ADORA2B: variants seen among roughly 807,000 people sequenced by gnomAD.
ADORA2B encodes adenosine receptor A2b.
In ADORA2B, 18 loss-of-function variants were observed where a neutral mutation model predicts 20.8. That is an observed-to-expected ratio of 0.87 (90% CI 0.60 to 1.29). The LOEUF (loss-of-function observed/expected upper bound fraction) is 1.29, where lower values mean the gene tolerates loss of function less well. ADORA2B is among the 50% of genes most tolerant of loss of function. ADORA2B has a pLI of 0.00. For missense variants in ADORA2B, 441 were observed against 422.7 expected (o/e 1.04, Z -0.38); for synonymous variants, 179 against 178.3 (o/e 1.00, Z -0.03).
the ADORA2B span, among the ~76,000 whole-genome samples, chr17:15,921,896 T>C: frequency 6.6e-6 from 1 of 152,186 alleles, no homozygotes; most frequent in Admixed American, 6.5e-5. Flanking sequence ...ATAAAGTTTA[T>C]GTCTTCCTAG....
At chr17:15,967,031 G>A (rs368969704) in intron 1 of ADORA2B, among the ~76,000 whole-genome samples, 2 of 152,182 alleles carry the variant, frequency 1.3e-5, no homozygotes, top group Non-Finnish European at 2.9e-5. Context: ...GAGGGTGTTC[G>A]GAGCACAGGG....
the ADORA2B span, among the ~76,000 whole-genome samples, chr17:15,896,246 G>A: frequency 1.3e-5 from 2 of 152,082 alleles, no homozygotes; most frequent in Admixed American, 6.5e-5. Flanking sequence ...AGCAAATACA[G>A]CAAATGAAAG....
chr17:15,914,152 C>T, the ADORA2B span, among the ~76,000 whole-genome samples: 1 of 152,186 alleles, frequency 6.6e-6, no homozygotes, highest in South Asian at 2.1e-4. Flanking sequence ...ACACATTTTA[C>T]TCCCACACAT....
the ADORA2B span, among the ~76,000 whole-genome samples, chr17:15,853,690 G>C: frequency 2.6e-5 from 4 of 152,170 alleles, no homozygotes; most frequent in Non-Finnish European, 4.4e-5. Context: ...AGGAGGCCCA[G>C]ATGGTTTCAT....
the ADORA2B span, among the ~76,000 whole-genome samples, chr17:15,884,836 C>G: frequency 6.6e-6 from 1 of 152,240 alleles, no homozygotes; most frequent in African/African-American, 2.4e-5. Flanking sequence ...GGCATTTGGG[C>G]TGATTCTGTG....
chr17:15,946,239 C>T (rs1184796947), intron 1 of ADORA2B, among the ~76,000 whole-genome samples: 1 of 152,254 alleles, frequency 6.6e-6, no homozygotes, highest in Non-Finnish European at 1.5e-5. Context: ...TACAATGCTT[C>T]CTCGTGTCTG....
At chr17:15,952,186 C>T (rs1969913864) in intron 1 of ADORA2B, among the ~76,000 whole-genome samples, 1 of 152,150 alleles carries the variant, frequency 6.6e-6, no homozygotes, top group South Asian at 2.1e-4. Flanking sequence ...CCCTGTATCT[C>T]ACTCTTCTCA....
chr17:15,896,615 A>G, the ADORA2B span, among the ~76,000 whole-genome samples: 2 of 152,232 alleles, frequency 1.3e-5, no homozygotes, highest in Admixed American at 1.3e-4. Context: ...TGCTTAAACC[A>G]TTAGTAGTTT....
intron 1 of ADORA2B, among the ~76,000 whole-genome samples, chr17:15,964,182 G>A (rs1021235359): frequency 3.3e-5 from 5 of 152,220 alleles, no homozygotes; most frequent in African/African-American, 1.2e-4. Flanking sequence ...GTTCATATAA[G>A]TAAAATCTAA....
the ADORA2B span, among the ~76,000 whole-genome samples, chr17:15,891,713 G>A: frequency 6.6e-6 from 1 of 151,568 alleles, no homozygotes; most frequent in Non-Finnish European, 1.5e-5. Flanking sequence ...ATGGAGTCTC[G>A]CTTTGTCACC....
chr17:15,912,200 AT>A, the ADORA2B span, among the ~76,000 whole-genome samples: 2 of 147,922 alleles, frequency 1.4e-5, no homozygotes, highest in Non-Finnish European at 3.0e-5. Context: ...GGGTGACAGA[AT>A]AAGACTCTGT....
the ADORA2B span, among the ~76,000 whole-genome samples, chr17:15,858,109 T>C: frequency 6.6e-6 from 1 of 151,806 alleles, no homozygotes; most frequent in Non-Finnish European, 1.5e-5. Flanking sequence ...TTCAATTCTT[T>C]GGGATAAATA....
the ADORA2B span, among the ~76,000 whole-genome samples, chr17:15,911,551 C>A: frequency 8.5e-5 from 13 of 152,290 alleles, no homozygotes; most frequent in African/African-American, 2.9e-4. Context: ...CATACCAGCC[C>A]CTCTCCAGTG....
intron 1 of ADORA2B, among the ~76,000 whole-genome samples, chr17:15,967,389 C>A (rs192308986): frequency 7.0e-4 from 107 of 152,290 alleles, no homozygotes; most frequent in African/African-American, 2.4e-3. Context: ...TGCGCCAACA[C>A]ACTCGGCTAA....
the ADORA2B span, among the ~76,000 whole-genome samples, chr17:15,877,873 C>T: frequency 6.6e-6 from 1 of 152,082 alleles, no homozygotes; most frequent in Non-Finnish European, 1.5e-5. Flanking sequence ...TGCCCTTCCC[C>T]ACTGCTGGCT....
At chr17:15,869,946 A>G in the ADORA2B span, among the ~76,000 whole-genome samples, 1 of 152,174 alleles carries the variant, frequency 6.6e-6, no homozygotes, top group Non-Finnish European at 1.5e-5. Context: ...TATATCATCA[A>G]AGCTTTTGCA....
chr17:15,947,567 C>T (rs746757150), intron 1 of ADORA2B, among the ~76,000 whole-genome samples: 6 of 152,284 alleles, frequency 3.9e-5, no homozygotes, highest in African/African-American at 7.2e-5. Flanking sequence ...CTTCCTGGCC[C>T]GTCCAGAGCT....
rs1970246093 is a variant in ADORA2B at position 15,975,507 on chromosome 17, G to A, written c.*165G>A. The A allele has an allele frequency of 1.5e-6, 1 of 651,114 alleles. No homozygotes were observed. Among genetic ancestry groups the A allele is most frequent in the Non-Finnish European group, 2.6e-6 (1 of 383,072 alleles). 40.3% of individuals were successfully genotyped at this position (651,114 alleles called of 1,614,324 possible). A position where few individuals can be genotyped will look rare whatever the true frequency, so the allele number is the denominator to read the frequency against. On this transcript the variant is annotated 3_prime_UTR_variant, in exon 2 of 2. Transcript: ENST00000304222. ...GTATCTAGCTAATATGTATGTGTCA[G>A]TAGTAGGCTCCAAGGATTGACAAAT...
At chr17:15,932,197 T>C in the ADORA2B span, among the ~76,000 whole-genome samples, 2 of 152,144 alleles carry the variant, frequency 1.3e-5, no homozygotes, top group African/African-American at 2.4e-5. Flanking sequence ...TTTGGTGTCA[T>C]AGTTAAGAAA....
Sources: gnomAD v4.1 joint callset for allele counts (sites outside exome capture counted in the v4.1 genomes callset) on GRCh38, gnomAD v4.1.1 for gene constraint, MANE v1.5 for transcripts, NCBI Gene and HGNC (gene_info 2026-07-23, HGNC 2026-07-21) for gene names.